TMEM131: variants seen among roughly 807,000 people sequenced by gnomAD.
TMEM131 encodes transmembrane protein 131.
Under a neutral mutation model 211.6 loss-of-function variants are expected in TMEM131, and 66 were observed. That is an observed-to-expected ratio of 0.31 (90% CI 0.26 to 0.38). The LOEUF (loss-of-function observed/expected upper bound fraction) is 0.38, where lower values mean the gene tolerates loss of function less well. Ranked by LOEUF, TMEM131 falls within the 10% of genes least tolerant of loss-of-function variation. The pLI, the probability that TMEM131 is intolerant of heterozygous loss-of-function variation, is 1.00. For synonymous variants in TMEM131, 844 were observed against 841.3 expected, an observed-to-expected ratio of 1.00 and a Z score of -0.06; for missense variants, 2,036 against 2,299.3, an observed-to-expected ratio of 0.89 and a Z score of 2.34.
chr2:97,760,451 T>C (rs1489954777), intron 38 of TMEM131, 142 bp downstream of exon 38: 1 of 774,216 alleles, frequency 1.3e-6, no homozygotes, highest in South Asian at 1.7e-5. Flanking sequence ...CATGATTTCT[T>C]AGAGGCACTT....
intron 35 of TMEM131, chr2:97,763,585 G>A (rs1047326926): frequency 2.0e-5 from 3 of 152,324 alleles, no homozygotes; most frequent in African/African-American, 7.3e-5. Flanking sequence ...CCTCCCATCT[G>A]ACACCACGTC....
intron 3 of TMEM131, chr2:97,906,969 G>A (rs1234305873): frequency 3.3e-5 from 5 of 152,128 alleles, no homozygotes; most frequent in African/African-American, 1.2e-4. Context: ...ATTATACTAG[G>A]AAAATACTTA....
At chr2:97,781,206 G>A (rs767660294) in intron 31 of TMEM131, among the ~76,000 whole-genome samples, 2 of 152,156 alleles carry the variant, frequency 1.3e-5, no homozygotes, top group Non-Finnish European at 2.9e-5. Context: ...AGGCCTTACT[G>A]ATCTCTCCAG....
chr2:97,760,417 G>C, intron 38 of TMEM131, 176 bp downstream of exon 38: 3 of 645,632 alleles, frequency 4.6e-6, no homozygotes, highest in Non-Finnish European at 8.0e-6. Flanking sequence ...CACCGCAGCC[G>C]GCTTTCTGCT....
chr2:97,843,809 A>G (rs1048303615), intron 6 of TMEM131, among the ~76,000 whole-genome samples: 2 of 152,258 alleles, frequency 1.3e-5, no homozygotes, highest in Non-Finnish European at 2.9e-5. Context: ...GTAGACATGA[A>G]TGTTTTAATC....
chr2:97,874,248 T>C (rs928848090), intron 4 of TMEM131, among the ~76,000 whole-genome samples: 4 of 152,228 alleles, frequency 2.6e-5, no homozygotes, highest in Middle Eastern at 3.2e-3. Flanking sequence ...CTACGTTTGA[T>C]TGGTGTACCT....
intron 1 of TMEM131, among the ~76,000 whole-genome samples, chr2:97,978,094 AAAATAATAAT>A (rs1679623189): frequency 6.6e-6 from 1 of 152,090 alleles, no homozygotes. Context: ...CTTGGGGAAA[AAAATAATAAT>A]AAATAATAAT....
In TMEM131 at chr2:97,760,960, CCT is replaced by C. The variant is rs754055241; in HGVS notation, c.4890-48_4890-47del. The C allele has an allele frequency of 5.6e-6, 9 of 1,608,092 alleles. No individual in the cohort carries two copies. In the African/African-American group the frequency reaches 1.2e-4, roughly 21 times the overall value. On this transcript the variant is annotated intron_variant, in intron 36 of 40. Transcript: ENST00000186436. The stretch of plus-strand genomic sequence containing the variant: ...AGAACTCATTCCTCATCAGCAGTGC[CCT>C]GTCTCGGGGAGGTGTGGGGCTGGCA...
intron 11 of TMEM131, chr2:97,827,474 C>T (rs1305014568): frequency 3.0e-6 from 3 of 1,011,796 alleles, no homozygotes; most frequent in African/African-American, 1.6e-5. Flanking sequence ...GATTTACCTG[C>T]AGAAAATGGG....
intron 12 of TMEM131, among the ~76,000 whole-genome samples, chr2:97,818,264 T>G (rs946817199): frequency 6.6e-6 from 1 of 152,196 alleles, no homozygotes; most frequent in African/African-American, 2.4e-5. Flanking sequence ...GTTTCAGAAC[T>G]TCAAATATAT....
At chr2:97,929,550 A>G (rs1377282850) in intron 1 of TMEM131, among the ~76,000 whole-genome samples, 1 of 151,764 alleles carries the variant, frequency 6.6e-6, no homozygotes, top group Non-Finnish European at 1.5e-5. Context: ...ATAAGATACT[A>G]GTTAATTAGA....
chr2:97,980,022 G>A (rs983664854), intron 1 of TMEM131, among the ~76,000 whole-genome samples: 3 of 152,112 alleles, frequency 2.0e-5, no homozygotes, highest in Non-Finnish European at 1.5e-5. Context: ...CAGAGAAAAC[G>A]ACAGCCTGAG....
At chr2:97,757,675 A>T (rs1303154311) in intron 40 of TMEM131, among the ~76,000 whole-genome samples, 1 of 152,146 alleles carries the variant, frequency 6.6e-6, no homozygotes, top group Non-Finnish European at 1.5e-5. Flanking sequence ...TGCTGGGATT[A>T]CAGGCACTAG....
chr2:97,988,820 G>C (rs986288905), intron 1 of TMEM131, among the ~76,000 whole-genome samples: 4 of 152,224 alleles, frequency 2.6e-5, no homozygotes, highest in Admixed American at 1.3e-4. Flanking sequence ...ACGGGATTCT[G>C]AGATTATGCA....
chr2:97,984,450 G>GT (rs1442759582), intron 1 of TMEM131, among the ~76,000 whole-genome samples: 1 of 151,930 alleles, frequency 6.6e-6, no homozygotes, highest in African/African-American at 2.4e-5. Context: ...AAGAAAAGAG[G>GT]TTTACTTGAC....
intron 2 of TMEM131, among the ~76,000 whole-genome samples, chr2:97,926,112 CAAAA>C (rs879920203): frequency 2.3e-5 from 2 of 88,800 alleles, no homozygotes; most frequent in African/African-American, 4.3e-5. Flanking sequence ...GACCCTGTCT[CAAAA>C]AAAAAAAAAA....
At chr2:97,960,523 C>T (rs1457923046) in intron 1 of TMEM131, among the ~76,000 whole-genome samples, 5 of 151,912 alleles carry the variant, frequency 3.3e-5, no homozygotes, top group South Asian at 4.1e-4. Flanking sequence ...GTTTGCTTTA[C>T]GACACAAAAT....
At position 97,756,963 on chromosome 2, in the gene TMEM131, C is replaced by T. The variant is rs572106654; in HGVS notation, c.*136G>A. On this transcript the variant is annotated 3_prime_UTR_variant, in exon 41 of 41. Coordinates refer to ENST00000186436, the MANE Select transcript of TMEM131 (RefSeq NM_015348.2). Reference sequence around the variant, plus strand: ...AAAGAAGCGAGTGGTCTGAGCCTGCCCTGCTTGGGTCTGTTTTGCAAAGAA... The same window carrying T: ...AAAGAAGCGAGTGGTCTGAGCCTGCTCTGCTTGGGTCTGTTTTGCAAAGAA... 5 of 1,023,016 alleles carry T rather than the reference C, an allele frequency of 4.9e-6. No individual in the cohort carries two copies. The highest frequency in any genetic ancestry group is 3.1e-5 in the Admixed American group (1 of 32,376). 63.4% of individuals were successfully genotyped at this position (1,023,016 alleles called of 1,614,324 possible).
chr2:97,934,535 A>G (rs116711434), intron 1 of TMEM131, among the ~76,000 whole-genome samples: 1,814 of 152,300 alleles, frequency 0.012, 39 homozygotes, highest in African/African-American at 0.041. Context: ...TTAGATAGGA[A>G]CAAACCCTAG....
Sources: gnomAD v4.1 joint callset for allele counts (sites outside exome capture counted in the v4.1 genomes callset) on GRCh38, gnomAD v4.1.1 for gene constraint, MANE v1.5 for transcripts, NCBI Gene and HGNC (gene_info 2026-07-23, HGNC 2026-07-21) for gene names.